SALL1: variants seen among roughly 807,000 people sequenced by gnomAD.
SALL1 encodes spalt like transcription factor 1, also known as sal-like protein 1.
A neutral mutation model predicts 73.1 loss-of-function variants in SALL1; 10 were observed. That is an observed-to-expected ratio of 0.14 (90% CI 0.08 to 0.23). The LOEUF (loss-of-function observed/expected upper bound fraction) is 0.23. Ranked by LOEUF, SALL1 falls within the 10% of genes least tolerant of loss-of-function variation. The probability of loss-of-function intolerance (pLI) is 1.00; values close to 1 mark genes in which losing one functional copy is unlikely to be tolerated. For missense variants in SALL1, 1,520 were observed against 1,697.3 expected, an observed-to-expected ratio of 0.90 and a Z score of 1.84; for synonymous variants, 688 against 689.8, an observed-to-expected ratio of 1.00 and a Z score of 0.04.
chr16:51,142,759 A>G (rs1196645050), intron 1 of SALL1, among the ~76,000 whole-genome samples: 1 of 152,224 alleles, frequency 6.6e-6, no homozygotes, highest in Non-Finnish European at 1.5e-5. Context: ...CAAATCCTCC[A>G]GACCGTTCCT....
chr16:51,149,416 A>T (rs1962563740), intron 1 of SALL1: 1 of 152,232 alleles, frequency 6.6e-6, no homozygotes, highest in Non-Finnish European at 1.5e-5. Context: ...GATGAGTGTG[A>T]CTGCGGGAAG....
At chr16:51,150,507 A>T (rs1384410142) in intron 1 of SALL1, 24 of 985,840 alleles carry the variant, frequency 2.4e-5, no homozygotes, top group Non-Finnish European at 2.9e-5. Context: ...GGCGGCCAGC[A>T]GCACTCTCCA....
intron 1 of SALL1, among the ~76,000 whole-genome samples, chr16:51,144,553 T>C (rs1474935551): frequency 6.6e-6 from 1 of 152,212 alleles, no homozygotes; most frequent in African/African-American, 2.4e-5. Context: ...CACATTACAA[T>C]GTAGTTGCTT....
Position 51,140,858 on chromosome 16 carries a change from G to A in SALL1, c.1364C>T (p.Ala455Val), listed in dbSNP as rs756599740. ...GGCACTGTCACTCCCAAAGACCTTC[G>A]CGCAGAACCTGCACTTGTGTTTGAA... ...AFFKHKCRFCAKVFGSDSALQ... is the reference protein window; with the variant it reads ...AFFKHKCRFCVKVFGSDSALQ... The change falls in exon 2 of 3, where the codon GCG becomes GTG. Residue 455 changes from alanine to valine, a missense_variant. Physicochemically the swap from Ala to Val is moderately conservative, Grantham distance 64. This residue lies in a region of SALL1 where 21 missense variants were observed against 69.3 expected (regional missense o/e 0.30). Coordinates refer to ENST00000251020, the MANE Select transcript of SALL1 (RefSeq NM_002968.3). The surrounding 1 kb of genome is among the most constrained non-coding windows in gnomAD (Gnocchi z 5.7). 3.7e-6 allele frequency: 6 copies of A among 1,614,066 alleles called. No individual in the cohort carries two copies. In the African/African-American group the frequency reaches 4.0e-5, roughly 11 times the overall value.
chr16:51,141,189 C>T lies in SALL1; in HGVS notation c.1033G>A (p.Ala345Thr). Residue 345 changes from alanine to threonine, a missense_variant, in exon 2 of 3, where the codon GCA (alanine) becomes ACA (threonine). Around this residue, in one of 7 missense-constraint regions of SALL1, gnomAD observed 540 missense variants for 567.5 expected, o/e 0.95. Transcript: ENST00000251020. This position sits in a 1 kb window ranked among gnomAD's most constrained non-coding sequence, Gnocchi z 5.4. ...GAGGACGGGGTGGTAACTGCCGCTG[C>T]CAATATGTTCATATTGGGAGAAGAG... ...SGSSPNMNILAAAVTTPSSEK... is the reference protein window; with the variant it reads ...SGSSPNMNILTAAVTTPSSEK... 2.5e-6 allele frequency: 4 copies of T among 1,614,138 alleles called. No homozygotes were observed. Among genetic ancestry groups the T allele is most frequent in the Non-Finnish European group, 3.4e-6 (4 of 1,180,034 alleles).
Position 51,138,552 on chromosome 16 carries a change from A to G in SALL1, c.3534+136T>C. 6.0e-6 allele frequency: 7 copies of G among 1,168,670 alleles called. No individual in the cohort carries two copies. The South Asian group carries it at 8.1e-5, about 14-fold the overall frequency. The allele number at this position is 1,168,670 out of a possible 1,614,324, so 72.4% of individuals were successfully genotyped here. On this transcript the variant is annotated intron_variant, in intron 2 of 2. Coordinates refer to ENST00000251020, the MANE Select transcript of SALL1 (RefSeq NM_002968.3). ...CTCCCCCATTTCTCCCCCGTCAACC[A>G]TGTGCAGCAGGTTCCCTTGCAAGAG...
In SALL1 at chr16:51,140,483, A is replaced by C; in HGVS notation, c.1739T>G (p.Ile580Ser). 2 of 1,613,658 alleles carry C rather than the reference A, an allele frequency of 1.2e-6. No homozygotes were observed. Among genetic ancestry groups the C allele is most frequent in the East Asian group, 4.5e-5 (2 of 44,844 alleles). Residue 580 changes from isoleucine (I) to serine (S), a missense_variant, in exon 2 of 3, where the codon ATC becomes AGC. Around this residue, in one of 7 missense-constraint regions of SALL1, gnomAD observed 276 missense variants for 259.1 expected, o/e 1.07. Transcript: ENST00000251020. The surrounding 1 kb of genome is among the most constrained non-coding windows in gnomAD (Gnocchi z 5.7). The stretch of plus-strand genomic sequence containing the variant: ...TGGGGGGCTGGTGGCAGAATGGCTG[A>C]TGGGGATGGGGGCTGGCTCTTCCGT... ...IKTEEPAPIPISHSATSPPGS... is the reference protein window; with the variant it reads ...IKTEEPAPIPSSHSATSPPGS...
At position 51,151,179 on chromosome 16, in the gene SALL1, G is replaced by A. The variant is rs536125319; in HGVS notation, c.63C>T (p.Leu21=). 31 of 1,598,550 alleles carry A rather than the reference G, an allele frequency of 1.9e-5. No homozygotes were observed. In the African/African-American group the frequency reaches 2.8e-4, roughly 14 times the overall value. The change falls in exon 1 of 3, where the codon CTC becomes CTT. Residue 21 remains leucine (L), a synonymous_variant. Coordinates refer to ENST00000251020, the MANE Select transcript of SALL1 (RefSeq NM_002968.3). ...HFQSDPEVAS[L]PRRDGDTEKG... ...CGGAGCACTCACCATCTCGCCGGGG[G>A]AGCGAGGCCACTTCGGGGTCGGATT...
Position 51,140,262 on chromosome 16 carries a change from T to C in SALL1, c.1960A>G (p.Ser654Gly), listed in dbSNP as rs1320788468. Residue 654 changes from serine (S) to glycine (G), a missense_variant, in exon 2 of 3, where the codon AGT becomes GGT. Physicochemically the swap from Ser to Gly is moderately conservative, Grantham distance 56 (BLOSUM62 0). Around this residue, in one of 7 missense-constraint regions of SALL1, gnomAD observed 276 missense variants for 259.1 expected, o/e 1.07. Coordinates refer to ENST00000251020, the MANE Select transcript of SALL1 (RefSeq NM_002968.3). This position sits in a 1 kb window ranked among gnomAD's most constrained non-coding sequence, Gnocchi z 5.7. Reference protein sequence around the residue: ...SPAADCGPAGSATTFTNPLLP... With the variant: ...SPAADCGPAGGATTFTNPLLP... ...AAAGGGTTGGTGAAGGTGGTGGCAC[T>C]GCCCGCGGGGCCGCAGTCTGCCGCT... is the stretch of plus-strand genomic sequence containing the variant. 19 of 1,614,066 alleles carry C rather than the reference T, an allele frequency of 1.2e-5. No homozygotes were observed. Among genetic ancestry groups the C allele is most frequent in the East Asian group, 2.2e-5 (1 of 44,888 alleles).
upstream of SALL1, among the ~76,000 whole-genome samples, chr16:51,151,630 C>G (rs970170616): frequency 2.0e-5 from 3 of 151,370 alleles, no homozygotes; most frequent in Non-Finnish European, 4.4e-5. Context: ...TTGCGACCGC[C>G]CGGGACTCCG....
chr16:51,151,153 C>T lies in SALL1; in HGVS notation c.76+13G>A, dbSNP rs944482206. On this transcript the variant is annotated intron_variant, in intron 1 of 2. Transcript: ENST00000251020. ...CGTGTGTGTGTGTCCACGGCGCGGGCCGGAGCACTCACCATCTCGCCGGGG... is the reference window on the plus strand; with the variant it reads ...CGTGTGTGTGTGTCCACGGCGCGGGTCGGAGCACTCACCATCTCGCCGGGG... 18 of 1,587,052 alleles carry T rather than the reference C, an allele frequency of 1.1e-5. No homozygotes were observed. The highest frequency in any genetic ancestry group is 1.5e-5 in the Non-Finnish European group (18 of 1,169,632).
In SALL1 at chr16:51,140,557, G is replaced by C. The variant is rs201565524; in HGVS notation, c.1665C>G (p.Val555=). The change falls in exon 2 of 3, where the codon GTC becomes GTG. Residue 555 remains valine (V), a synonymous_variant. Coordinates refer to ENST00000251020, the MANE Select transcript of SALL1 (RefSeq NM_002968.3). The surrounding 1 kb of genome is among the most constrained non-coding windows in gnomAD (Gnocchi z 5.7). ...GGAGGGTTGGGGGCAACGGCAGGCC[G>C]ACTGAAGTGGTCAGAGTAGGCAGGA... ...KPVLPTLTTS[V]GLPLPPTLPS... is the part of the protein sequence containing the mutation. The C allele has an allele frequency of 6.2e-7, 1 of 1,613,940 alleles. No homozygotes were observed. The highest frequency in any genetic ancestry group is 1.1e-5 in the South Asian group (1 of 91,048).
At position 51,139,259 on chromosome 16, in the gene SALL1, A is replaced by T; in HGVS notation, c.2963T>A (p.Ile988Asn). ...EKIIKEDSLG[I>N]LFPFRDRGKF... Reference sequence around the variant, plus strand: ...ACCCCGGTCTCTAAAAGGGAAGAGGATCCCCAAAGAATCTTCTTTGATGAT... The same window carrying T: ...ACCCCGGTCTCTAAAAGGGAAGAGGTTCCCCAAAGAATCTTCTTTGATGAT... Residue 988 changes from isoleucine (I) to asparagine (N), a missense_variant, in exon 2 of 3, where the codon ATC becomes AAC. Physicochemically the swap from Ile to Asn is moderately radical, Grantham distance 149. Transcript: ENST00000251020. 1 of 1,614,166 alleles carries T rather than the reference A, an allele frequency of 6.2e-7. No individual in the cohort carries two copies. The highest frequency in any genetic ancestry group is 8.5e-7 in the Non-Finnish European group (1 of 1,180,034).
At position 51,137,102 on chromosome 16, in the gene SALL1, C is replaced by T; in HGVS notation, c.*10G>A. ...CAGGAATGAATGCTATGTCTCCAGC[C>T]CGAGCTGCTTTAACTCGTGACGATC... On this transcript the variant is annotated 3_prime_UTR_variant, in exon 3 of 3. Coordinates refer to ENST00000251020, the MANE Select transcript of SALL1 (RefSeq NM_002968.3). The T allele has an allele frequency of 6.2e-7, 1 of 1,614,010 alleles. No individual in the cohort carries two copies. Among genetic ancestry groups the T allele is most frequent in the Non-Finnish European group, 8.5e-7 (1 of 1,179,986 alleles).
Position 51,150,300 on chromosome 16 carries a change from C to T in SALL1, c.76+866G>A, listed in dbSNP as rs1962577660. On this transcript the variant is annotated intron_variant, in intron 1 of 2. Coordinates refer to ENST00000251020, the MANE Select transcript of SALL1 (RefSeq NM_002968.3). Reference sequence around the variant, plus strand: ...TCCACTCTGGCTGGCCACCCGCAAACCTGGAAAACTATTCTATGACTTCTT... The same window carrying T: ...TCCACTCTGGCTGGCCACCCGCAAATCTGGAAAACTATTCTATGACTTCTT... 6.8e-6 allele frequency: 5 copies of T among 738,440 alleles called. No individual in the cohort carries two copies. The South Asian group carries it at 2.4e-4, about 36-fold the overall frequency. The allele number at this position is 738,440 out of a possible 1,614,324, so 45.7% of individuals were successfully genotyped here.
At chr16:51,143,637 A>G (rs968060797) in intron 1 of SALL1, among the ~76,000 whole-genome samples, 4 of 152,244 alleles carry the variant, frequency 2.6e-5, no homozygotes, top group African/African-American at 9.6e-5. Context: ...GCTTTTTTGT[A>G]GTAAACATTT....
At position 51,137,566 on chromosome 16, in the gene SALL1, A is replaced by G. The variant is rs1316675385; in HGVS notation, c.3535-14T>C. On this transcript the variant is annotated splice_polypyrimidine_tract_variant and intron_variant, in intron 2 of 2. Transcript: ENST00000251020. ...GCCCATGTGTACCTGAGATATGGGG[A>G]GGGCAGGCAGAGAGACAGAGAGAGA... The G allele has an allele frequency of 6.3e-7, 1 of 1,591,212 alleles. No individual in the cohort carries two copies. The highest frequency in any genetic ancestry group is 8.6e-7 in the Non-Finnish European group (1 of 1,161,416).
intron 1 of SALL1, among the ~76,000 whole-genome samples, chr16:51,143,781 G>A (rs139967404): frequency 8.5e-5 from 13 of 152,230 alleles, no homozygotes; most frequent in Admixed American, 7.2e-4. Flanking sequence ...TATGCCAAAC[G>A]TACGCACACT....
intron 1 of SALL1, 156 bp downstream of exon 1, chr16:51,151,010 A>C (rs1176622863): frequency 2.2e-6 from 1 of 456,900 alleles, no homozygotes. Context: ...TTGAAAATTA[A>C]AAAGAAAAAA....
Sources: gnomAD v4.1 joint callset for allele counts (sites outside exome capture counted in the v4.1 genomes callset) on GRCh38, gnomAD v4.1.1 for gene constraint, gnomAD v4.1.1 regional missense constraint, Gnocchi (gnomAD v3.1) non-coding constraint, MANE v1.5 for transcripts, NCBI Gene and HGNC (gene_info 2026-07-23, HGNC 2026-07-21) for gene names.